Variants in LRCH4 observed in about 807,000 individuals in gnomAD.
LRCH4 encodes the protein leucine rich repeats and calponin homology domain containing 4.
Under a neutral mutation model 81.2 loss-of-function variants are expected in LRCH4, and 56 were observed. That is an observed-to-expected ratio of 0.69 (90% CI 0.56 to 0.86). The LOEUF (loss-of-function observed/expected upper bound fraction) is 0.86, where lower values mean the gene tolerates loss of function less well. Among genes scored for constraint, LRCH4 ranks in the 40% least tolerant of loss-of-function variants. LRCH4 has a pLI of 0.00. For synonymous variants in LRCH4, 442 were observed against 409.7 expected, an observed-to-expected ratio of 1.08 and a Z score of -0.95; for missense variants, 895 against 922.8, an observed-to-expected ratio of 0.97 and a Z score of 0.39.
At position 100,578,239 on chromosome 7, in the gene LRCH4, G is replaced by C. The variant is rs1313310339; in HGVS notation, c.868C>G (p.Pro290Ala). 4 of 1,614,222 alleles carry C rather than the reference G, an allele frequency of 2.5e-6. No homozygotes were observed. The highest frequency in any genetic ancestry group is 3.3e-5 in the Admixed American group (2 of 60,026). ...AGCCCACCATCGTACCGATGTCCCG[G>C]AAATAGATCCTCTGCAGGGCTGGGG... ...FSPCPAEDLF[P>A]GHRYDGGLDS... Residue 290 changes from proline (P) to alanine (A), a missense_variant, in exon 7 of 18, where the codon CCG (proline) becomes GCG (alanine). Physicochemically the swap from Pro to Ala is conservative, Grantham distance 27. Around this residue, in one of 3 missense-constraint regions of LRCH4, gnomAD observed 360 missense variants for 397.0 expected, o/e 0.91. Coordinates refer to ENST00000310300, the MANE Select transcript of LRCH4 (RefSeq NM_002319.5). The surrounding 1 kb of genome is among the most constrained non-coding windows in gnomAD (Gnocchi z 5.7).
At position 100,577,255 on chromosome 7, in the gene LRCH4, G is replaced by A; in HGVS notation, c.1295+18C>T. The A allele has an allele frequency of 1.2e-6, 2 of 1,603,184 alleles. No individual in the cohort carries two copies. Among genetic ancestry groups the A allele is most frequent in the Non-Finnish European group, 1.7e-6 (2 of 1,178,830 alleles). ...GGCTCAGTGTCCAGCAACAGCCCCG[G>A]GCGGCCCTGGGTCCCACCTATCCTT... On this transcript the variant is annotated intron_variant, in intron 11 of 17. Coordinates refer to ENST00000310300, the MANE Select transcript of LRCH4 (RefSeq NM_002319.5). This position sits in a 1 kb window ranked among gnomAD's most constrained non-coding sequence, Gnocchi z 6.7.
In LRCH4 at chr7:100,582,505, C is replaced by T. The variant is rs529383274; in HGVS notation, c.221-46G>A. ...GGGAGAGTTGCGGAAAGGCCCAGCC[C>T]GGACAGGACCTTCAGTCCCCCCAGA... On this transcript the variant is annotated intron_variant, in intron 1 of 17. Coordinates refer to ENST00000310300, the MANE Select transcript of LRCH4 (RefSeq NM_002319.5). The surrounding 1 kb of genome is among the most constrained non-coding windows in gnomAD (Gnocchi z 5.0). 2.7e-5 allele frequency: 43 copies of T among 1,580,080 alleles called. No individual in the cohort carries two copies. Among genetic ancestry groups the T allele is most frequent in the Admixed American group, 7.0e-5 (4 of 57,000 alleles).
chr7:100,585,956 G>A lies in LRCH4; in HGVS notation c.145C>T (p.Leu49=). Residue 49 remains leucine, a synonymous_variant, in exon 1 of 18, where the codon CTG becomes TTG. Coordinates refer to ENST00000310300, the MANE Select transcript of LRCH4 (RefSeq NM_002319.5). The stretch of plus-strand genomic sequence containing the variant: ...AAGTGCTTCAAGCGCCGGTTAGACA[G>A]GTTCAGGGTCCCGGTGGCCACGGCC... ...EEAVATGTLN[L]SNRRLKHFPR... is the part of the protein sequence containing the mutation. The A allele has an allele frequency of 5.0e-6, 8 of 1,612,704 alleles. No individual in the cohort carries two copies. The highest frequency in any genetic ancestry group is 1.1e-5 in the South Asian group (1 of 91,012).
rs1485953028 is a variant in LRCH4 at position 100,583,284 on chromosome 7, G to A, written c.221-825C>T. 6.6e-6 allele frequency among the ~76,000 whole-genome samples: 1 copy of A among 152,188 alleles called. No individual in the cohort carries two copies. The highest frequency in any genetic ancestry group is 1.5e-5 in the Non-Finnish European group (1 of 68,020). ...GAGCATCTCAGGCACGGCGAGGGTG[G>A]AGAGTGTGGGAGGGCCTGGGGTCTA... is the stretch of plus-strand genomic sequence containing the variant. On this transcript the variant is annotated intron_variant, in intron 1 of 17. Transcript: ENST00000310300. The surrounding 1 kb of genome is among the most constrained non-coding windows in gnomAD (Gnocchi z 4.3).
Position 100,578,547 on chromosome 7 carries a change from G to T in LRCH4, c.736-36C>A. On this transcript the variant is annotated intron_variant, in intron 5 of 17. Coordinates refer to ENST00000310300, the MANE Select transcript of LRCH4 (RefSeq NM_002319.5). The surrounding 1 kb of genome is among the most constrained non-coding windows in gnomAD (Gnocchi z 5.7). ...GGCAGCACACGCCAGGGAGTTGGCA[G>T]GGAGGGCAGCTCCCCGGATCCTGCT... The T allele has an allele frequency of 6.2e-7, 1 of 1,603,316 alleles. No homozygotes were observed.
At chr7:100,584,984 T>G in intron 1 of LRCH4, 3 of 355,640 alleles carry the variant, frequency 8.4e-6, no homozygotes, top group South Asian at 6.2e-5. Context: ...TTGACTCACC[T>G]GTCACAGTTA....
chr7:100,584,733 C>G (rs1801670478), intron 1 of LRCH4: 1 of 456,554 alleles, frequency 2.2e-6, no homozygotes, highest in East Asian at 6.9e-5. Context: ...TCGACTGGTT[C>G]TCCCCAGAAG....
Position 100,578,693 on chromosome 7 carries a change from AC to A in LRCH4, c.691del (p.Val231SerfsTer18). ...VSFCRLRHLQ[V>X]ILLDSNPLQS... ...CAGAGGGTTGCTGTCCAGCAGAATG[AC>A]CTGCAGGTGCCTCAGGCGGCAGAAG... On this transcript the variant is annotated frameshift_variant, in exon 5 of 18. Transcript: ENST00000310300. LOFTEE classifies it high-confidence loss of function. This position sits in a 1 kb window ranked among gnomAD's most constrained non-coding sequence, Gnocchi z 5.7. 1 of 1,614,074 alleles carries A rather than the reference AC, an allele frequency of 6.2e-7. No individual in the cohort carries two copies. Among genetic ancestry groups the A allele is most frequent in the Non-Finnish European group, 8.5e-7 (1 of 1,179,998 alleles).
chr7:100,579,018 C>A, intron 4 of LRCH4: 1 of 552,766 alleles, frequency 1.8e-6, no homozygotes, highest in Non-Finnish European at 3.2e-6. Flanking sequence ...GTCAGCTCAG[C>A]TTCCCCGGGA....
chr7:100,582,130 G>A lies in LRCH4; in HGVS notation c.403C>T (p.Gln135Ter). The A allele has an allele frequency of 6.2e-7, 1 of 1,613,086 alleles. No homozygotes were observed. The highest frequency in any genetic ancestry group is 8.5e-7 in the Non-Finnish European group (1 of 1,179,904). ...QLSLLPPYIC[Q>*]LPLRVLIVSN... Reference sequence around the variant, plus strand: ...ACGATGAGGACCCTCAGGGGCAGCTGGCAGATGTAGGGTGGCAGCAGCGAC... The same window carrying A: ...ACGATGAGGACCCTCAGGGGCAGCTAGCAGATGTAGGGTGGCAGCAGCGAC... Residue 135 changes from glutamine (Q) to a stop codon, truncating the protein, a stop_gained, in exon 3 of 18, where the codon CAG (glutamine) becomes TAG (stop). Transcript: ENST00000310300. LOFTEE classifies it high-confidence loss of function. The surrounding 1 kb of genome is among the most constrained non-coding windows in gnomAD (Gnocchi z 5.0).
rs1801595556 is a variant in LRCH4, at chr7:100,582,583, T to C, written c.221-124A>G. On this transcript the variant is annotated intron_variant, in intron 1 of 17. Coordinates refer to ENST00000310300, the MANE Select transcript of LRCH4 (RefSeq NM_002319.5). The surrounding 1 kb of genome is among the most constrained non-coding windows in gnomAD (Gnocchi z 5.0). ...ACCTAAAGATTCAAGGCCATCAATG[T>C]GGCCTCCCAGGAGAGATAACAAAGC... 1 of 978,700 alleles carries C rather than the reference T, an allele frequency of 1.0e-6. No homozygotes were observed. Among genetic ancestry groups the C allele is most frequent in the South Asian group, 1.5e-5 (1 of 65,168 alleles). The allele number at this position is 978,700 out of a possible 1,614,324, so 60.6% of individuals were successfully genotyped here. A position where few individuals can be genotyped will look rare whatever the true frequency, so the allele number is the denominator to read the frequency against.
intron 4 of LRCH4, chr7:100,580,404 T>TCACTCACA (rs1801492513): frequency 7.3e-6 from 1 of 137,796 alleles, no homozygotes; most frequent in Non-Finnish European, 1.6e-5. Flanking sequence ...CATACACACA[T>TCACTCACA]CACACACACA....
chr7:100,574,765 A>C lies in LRCH4; in HGVS notation c.*342T>G. On this transcript the variant is annotated 3_prime_UTR_variant, in exon 18 of 18. Coordinates refer to ENST00000310300, the MANE Select transcript of LRCH4 (RefSeq NM_002319.5). ...AATAGAGATAATTTAGCCCCCCCAT[A>C]GCAGCTGTTGGGGGGGGAAGGGGAG... 2.7e-5 allele frequency: 7 copies of C among 254,742 alleles called. No individual in the cohort carries two copies. Among genetic ancestry groups the C allele is most frequent in the East Asian group, 1.6e-4 (2 of 12,658 alleles). The allele number at this position is 254,742 out of a possible 1,614,324, so 15.8% of individuals were successfully genotyped here.
intron 14 of LRCH4, 59 bp from the exon 15 acceptor site, chr7:100,576,382 G>T: frequency 7.9e-7 from 1 of 1,265,552 alleles, no homozygotes. Context: ...CTCTGTAGCT[G>T]GGTCCCAGTG....
Position 100,582,563 on chromosome 7 carries a change from A to G in LRCH4, c.221-104T>C. On this transcript the variant is annotated intron_variant, in intron 1 of 17. Transcript: ENST00000310300. The surrounding 1 kb of genome is among the most constrained non-coding windows in gnomAD (Gnocchi z 5.0). Reference sequence around the variant, plus strand: ...GCCCACTCCCTCACCTCCACACCTAAAGATTCAAGGCCATCAATGTGGCCT... The same window carrying G: ...GCCCACTCCCTCACCTCCACACCTAGAGATTCAAGGCCATCAATGTGGCCT... The G allele has an allele frequency of 8.5e-7, 1 of 1,177,498 alleles. No homozygotes were observed. Among genetic ancestry groups the G allele is most frequent in the Non-Finnish European group, 1.2e-6 (1 of 831,824 alleles). 72.9% of individuals were successfully genotyped at this position (1,177,498 alleles called of 1,614,324 possible). A position where few individuals can be genotyped will look rare whatever the true frequency, so the allele number is the denominator to read the frequency against.
In LRCH4 at chr7:100,582,412, G is replaced by C. The variant is rs1801588101; in HGVS notation, c.268C>G (p.Leu90Val). Residue 90 changes from leucine to valine, a missense_variant, in exon 2 of 18, where the codon CTG (leucine) becomes GTG (valine). Leu to Val is a conservative substitution (Grantham distance 32). This residue lies in a region of LRCH4 where 360 missense variants were observed against 397.0 expected (regional missense o/e 0.91). Coordinates refer to ENST00000310300, the MANE Select transcript of LRCH4 (RefSeq NM_002319.5). The surrounding 1 kb of genome is among the most constrained non-coding windows in gnomAD (Gnocchi z 5.0). ...AGGCTCAGGCCCTCCAGGGACACCA[G>C]CTGGCACGCCGCCTCGGGCACCTCG... Reference protein sequence around the residue: ...FPEVPEAACQLVSLEGLSLYH... With the variant: ...FPEVPEAACQVVSLEGLSLYH... 6.2e-7 allele frequency: 1 copy of C among 1,613,356 alleles called. No individual in the cohort carries two copies.
Position 100,578,183 on chromosome 7 carries a change from G to A in LRCH4, c.924C>T (p.Gly308=), listed in dbSNP as rs995368267. Residue 308 remains glycine (G), a synonymous_variant, in exon 7 of 18, where the codon GGC becomes GGT. Coordinates refer to ENST00000310300, the MANE Select transcript of LRCH4 (RefSeq NM_002319.5). This position sits in a 1 kb window ranked among gnomAD's most constrained non-coding sequence, Gnocchi z 5.7. ...CCTCATTTCCAGACCACCTCTTGCT[G>A]CCACTATCAACGCTGTGGAAGCCTG... The part of the protein sequence containing the change: ...LDSGFHSVDS[G]SKRWSGNEST... 3 of 1,614,090 alleles carry A rather than the reference G, an allele frequency of 1.9e-6. No individual in the cohort carries two copies. Among genetic ancestry groups the A allele is most frequent in the Non-Finnish European group, 2.5e-6 (3 of 1,180,022 alleles).
Position 100,578,893 on chromosome 7 carries a change from C to A in LRCH4, c.599-107G>T. The A allele has an allele frequency of 8.1e-7, 1 of 1,238,334 alleles. No homozygotes were observed. Among genetic ancestry groups the A allele is most frequent in the Non-Finnish European group, 1.1e-6 (1 of 882,692 alleles). The allele number at this position is 1,238,334 out of a possible 1,614,324, so 76.7% of individuals were successfully genotyped here. ...CTGGCCAGTCACCCTGGGCCCAGCA[C>A]AGCCTCTCCCCTGGGTGGCTCAAGT... is the stretch of plus-strand genomic sequence containing the variant. On this transcript the variant is annotated intron_variant, in intron 4 of 17. Transcript: ENST00000310300. The surrounding 1 kb of genome is among the most constrained non-coding windows in gnomAD (Gnocchi z 5.7).
rs954463042 is a variant in LRCH4 at position 100,576,328 on chromosome 7, G to A, written c.1553-5C>T. 11 of 1,611,354 alleles carry A rather than the reference G, an allele frequency of 6.8e-6. No homozygotes were observed. Among genetic ancestry groups the A allele is most frequent in the Non-Finnish European group, 8.5e-6 (10 of 1,177,674 alleles). On this transcript the variant is annotated splice_region_variant and splice_polypyrimidine_tract_variant and intron_variant, in intron 14 of 17. Transcript: ENST00000310300. Reference sequence around the variant, plus strand: ...CAGAGTCTGGTGAGGAAGGGCCTAGGAGAAAAAGGGGGGCATGGGGCTGCC... The same window carrying A: ...CAGAGTCTGGTGAGGAAGGGCCTAGAAGAAAAAGGGGGGCATGGGGCTGCC...
Sources: allele counts gnomAD v4.1 joint callset (sites outside exome capture counted in the v4.1 genomes callset), GRCh38; gene constraint gnomAD v4.1.1; regional missense constraint gnomAD v4.1.1; non-coding constraint Gnocchi (gnomAD v3.1); transcripts MANE v1.5; gene names NCBI Gene and HGNC (gene_info 2026-07-23, HGNC 2026-07-21).